The following DNAH6 variants were observed in gnomAD, a reference collection of about 807,000 sequenced individuals.
DNAH6 encodes axonemal beta dynein heavy chain 6.
A neutral mutation model predicts 491.4 loss-of-function variants in DNAH6; 340 were observed. That is an observed-to-expected ratio of 0.69 (90% CI 0.63 to 0.76). The LOEUF (loss-of-function observed/expected upper bound fraction) is 0.76. Ranked by LOEUF, DNAH6 falls within the 30% of genes least tolerant of loss-of-function variation. DNAH6 has a pLI of 0.00. For synonymous variants in DNAH6, 1,603 were observed against 1,686.1 expected (o/e 0.95, Z 1.21); for missense variants, 4,443 against 4,972.2 (o/e 0.89, Z 3.20).
Position 84,650,707 on chromosome 2 carries a change from T to G in DNAH6, c.5079-2612T>G, listed in dbSNP as rs138016289. On this transcript the variant is annotated intron_variant, in intron 33 of 76. Coordinates refer to ENST00000389394, the MANE Select transcript of DNAH6 (RefSeq NM_001370.2). Reference sequence around the variant, plus strand: ...TTCAAGGCCAGCCTGGGCAGTATAGTGAGACCCTATCCCTTAAGAAATAAA... The same window carrying G: ...TTCAAGGCCAGCCTGGGCAGTATAGGGAGACCCTATCCCTTAAGAAATAAA... 7.4e-4 allele frequency among the ~76,000 whole-genome samples: 113 copies of G among 152,240 alleles called. 1 individual carries two copies. Among genetic ancestry groups the G allele is most frequent in the African/African-American group, 2.5e-3 (103 of 41,560 alleles).
At chr2:84,539,695 C>A (rs187685273) in intron 4 of DNAH6, among the ~76,000 whole-genome samples, 2 of 152,294 alleles carry the variant, frequency 1.3e-5, no homozygotes, top group East Asian at 3.9e-4. Context: ...CCACATTGTG[C>A]TCATGCTGCT....
In DNAH6 at chr2:84,713,098, A is replaced by G. The variant is rs1697207593; in HGVS notation, c.9382A>G (p.Lys3128Glu). Residue 3128 changes from lysine to glutamate, a missense_variant, in exon 57 of 77, where the codon AAG becomes GAG. Lys to Glu is a moderately conservative substitution (Grantham distance 56, BLOSUM62 1). This residue lies in a region of DNAH6 where 1,463 missense variants were observed against 1,656.6 expected (regional missense o/e 0.88). Coordinates refer to ENST00000389394, the MANE Select transcript of DNAH6 (RefSeq NM_001370.2). ...LGLPVLLEEL[K>E]ETLDPALEPI... ...CTGTTTTGTTTTAATTTCTAAGCTT[A>G]AGGAAACCTTGGATCCAGCTCTAGA... 1.3e-6 allele frequency: 2 copies of G among 1,549,412 alleles called. No homozygotes were observed. The highest frequency in any genetic ancestry group is 2.0e-5 in the Admixed American group (1 of 50,448).
At chr2:84,766,377 T>C (rs958958840) in intron 64 of DNAH6, among the ~76,000 whole-genome samples, 1 of 152,208 alleles carries the variant, frequency 6.6e-6, no homozygotes, top group African/African-American at 2.4e-5. Flanking sequence ...TCTTAAAACA[T>C]TATTTTTTAA....
intron 33 of DNAH6, among the ~76,000 whole-genome samples, chr2:84,649,857 A>G (rs564738379): frequency 2.0e-5 from 3 of 152,286 alleles, no homozygotes; most frequent in African/African-American, 7.2e-5. Context: ...TGATAGGTGC[A>G]GCAAACCACC....
chr2:84,686,496 G>C lies in DNAH6; in HGVS notation c.7076G>C (p.Gly2359Ala). The C allele has an allele frequency of 6.5e-7, 1 of 1,529,218 alleles. No homozygotes were observed. The highest frequency in any genetic ancestry group is 8.8e-7 in the Non-Finnish European group (1 of 1,130,540). The allele number at this position is 1,529,218 out of a possible 1,614,324, so 94.7% of individuals were successfully genotyped here. A position where few individuals can be genotyped will look rare whatever the true frequency, so the allele number is the denominator to read the frequency against. ...GTTCTTTAAATAGACAAACATTTTG[G>C]AATTGCAATTGACCTGGAATATTTT... is the stretch of plus-strand genomic sequence containing the variant. ...ILTEMANKHF[G>A]IAIDLEYFLN... Residue 2359 changes from glycine (G) to alanine (A), a missense_variant, in exon 44 of 77, where the codon GGA becomes GCA. Transcript: ENST00000389394.
chr2:84,497,915 A>G, the DNAH6 span, among the ~76,000 whole-genome samples: 2 of 152,228 alleles, frequency 1.3e-5, no homozygotes, highest in Non-Finnish European at 2.9e-5. Flanking sequence ...TGGCCTCCAG[A>G]TCTCAGCTTG....
intron 73 of DNAH6, among the ~76,000 whole-genome samples, chr2:84,812,839 C>T (rs1190268763): frequency 1.3e-5 from 2 of 152,102 alleles, no homozygotes; most frequent in Non-Finnish European, 2.9e-5. Context: ...GCTGCTGTCT[C>T]CCTCTCACAT....
chr2:84,682,778 C>G (rs1283720508), intron 42 of DNAH6, among the ~76,000 whole-genome samples: 3 of 152,180 alleles, frequency 2.0e-5, no homozygotes, highest in African/African-American at 7.2e-5. Context: ...ATCCACTACC[C>G]TTCTAACCTC....
chr2:84,733,430 C>CT lies in DNAH6; in HGVS notation c.10207-13dup. 1 of 1,545,554 alleles carries CT rather than the reference C, an allele frequency of 6.5e-7. No homozygotes were observed. Among genetic ancestry groups the CT allele is most frequent in the Non-Finnish European group, 8.7e-7 (1 of 1,143,426 alleles). ...GCCTTTGTGAATTATTATTCATTTT[C>CT]TGTCTTCAAACAGGAACGCCCACCT... On this transcript the variant is annotated splice_polypyrimidine_tract_variant and intron_variant, in intron 61 of 76. Coordinates refer to ENST00000389394, the MANE Select transcript of DNAH6 (RefSeq NM_001370.2).
chr2:84,540,282 A>C (rs553278366), intron 4 of DNAH6, among the ~76,000 whole-genome samples: 1 of 152,184 alleles, frequency 6.6e-6, no homozygotes, highest in Non-Finnish European at 1.5e-5. Flanking sequence ...CAGAGAAGGA[A>C]CTAATGTGAA....
At chr2:84,679,895 G>A (rs1693618204) in intron 41 of DNAH6, among the ~76,000 whole-genome samples, 1 of 152,210 alleles carries the variant, frequency 6.6e-6, no homozygotes, top group South Asian at 2.1e-4. Flanking sequence ...TCATGTATAT[G>A]TTAGAAACTA....
rs1367606288 is a variant in DNAH6, at chr2:84,584,758, C to A, written c.2481+508C>A. The A allele has an allele frequency of 1.3e-5, 2 of 153,308 alleles. 1 individual carries two copies. Among genetic ancestry groups the A allele is most frequent in the South Asian group, 4.1e-4 (2 of 4,872 alleles). The allele number at this position is 153,308 out of a possible 1,614,324, so 9.5% of individuals were successfully genotyped here. On this transcript the variant is annotated intron_variant, in intron 15 of 76. Transcript: ENST00000389394. ...TCACAATTTTAAAGTTTGCTTAATA[C>A]CTGGGTGATGAAATAATTCATACAA...
chr2:84,557,902 T>C lies in DNAH6; in HGVS notation c.1770T>C (p.Asp590=). The change falls in exon 11 of 77, where the codon GAT becomes GAC. Residue 590 remains aspartate (D), a synonymous_variant. Coordinates refer to ENST00000389394, the MANE Select transcript of DNAH6 (RefSeq NM_001370.2). ...GTTTAGCAGCAGTATTTGAGGATGA[T>C]AAGAATTTTCACACAATTATTTCTC... ...GPSLAAVFED[D]KNFHTIISQI... 6.2e-7 allele frequency: 1 copy of C among 1,611,062 alleles called. No individual in the cohort carries two copies. The highest frequency in any genetic ancestry group is 8.5e-7 in the Non-Finnish European group (1 of 1,178,146).
In DNAH6 at chr2:84,815,959, A is replaced by G; in HGVS notation, c.12249A>G (p.Gly4083=). The change falls in exon 76 of 77, where the codon GGA becomes GGG. Residue 4083 remains glycine, a synonymous_variant. Coordinates refer to ENST00000389394, the MANE Select transcript of DNAH6 (RefSeq NM_001370.2). Reference sequence around the variant, plus strand: ...TGGTGATAGAAGATGCATTGCCCGGACAGATGAATCCAGTGCTGCCTGTGG... The same window carrying G: ...TGGTGATAGAAGATGCATTGCCCGGGCAGATGAATCCAGTGCTGCCTGTGG... ...KEMVIEDALP[G]QMNPVLPVVH... 6.4e-7 allele frequency: 1 copy of G among 1,551,950 alleles called. No individual in the cohort carries two copies.
In DNAH6 at chr2:84,570,391, A is replaced by G. The variant is rs183539194; in HGVS notation, c.1804-3076A>G. 7.9e-4 allele frequency among the ~76,000 whole-genome samples: 120 copies of G among 152,286 alleles called. 1 individual carries two copies. Among genetic ancestry groups the G allele is most frequent in the African/African-American group, 2.1e-3 (86 of 41,558 alleles). On this transcript the variant is annotated intron_variant, in intron 11 of 76. Transcript: ENST00000389394. ...TAGCTAGAGGATTGTAAATGCCCCA[A>G]TCAGCACTCTGTAAAAACACACCAA... is the stretch of plus-strand genomic sequence containing the variant.
rs544944213 is a variant in DNAH6, at chr2:84,564,136, C to T, written c.1803+6201C>T. Among the ~76,000 whole-genome samples the T allele has an allele frequency of 7.9e-5, 12 of 152,050 alleles. 1 individual carries two copies. In the South Asian group the frequency reaches 2.5e-3, roughly 32 times the overall value. On this transcript the variant is annotated intron_variant, in intron 11 of 76. Transcript: ENST00000389394. Reference sequence around the variant, plus strand: ...GTTTGAAGCCCAGGTAATGTGCTGCCTTTACCTTTGTTGTTTTTGGTTAGA... The same window carrying T: ...GTTTGAAGCCCAGGTAATGTGCTGCTTTTACCTTTGTTGTTTTTGGTTAGA...
chr2:84,635,108 C>T (rs1688747774), intron 30 of DNAH6, among the ~76,000 whole-genome samples: 1 of 152,186 alleles, frequency 6.6e-6, no homozygotes, highest in African/African-American at 2.4e-5. Flanking sequence ...AGGGTTCATC[C>T]TGGCACAGCA....
intron 39 of DNAH6, among the ~76,000 whole-genome samples, chr2:84,671,412 C>G (rs1474306119): frequency 6.6e-6 from 1 of 152,174 alleles, no homozygotes; most frequent in Non-Finnish European, 1.5e-5. Context: ...TTGCTCAGTC[C>G]ACAGTCTCTG....
In DNAH6 at chr2:84,547,382, C is replaced by A; in HGVS notation, c.1045C>A (p.Gln349Lys). The change falls in exon 6 of 77, where the codon CAA (glutamine) becomes AAA (lysine). Residue 349 changes from glutamine (Q) to lysine (K), a missense_variant. This residue lies in a region of DNAH6 where 2,977 missense variants were observed against 3,296.6 expected (regional missense o/e 0.90). Transcript: ENST00000389394. ...TYTLQEFKAAQVIRLAEVTER... is the reference protein window; with the variant it reads ...TYTLQEFKAAKVIRLAEVTER... The stretch of plus-strand genomic sequence containing the variant: ...CACCCTGCAGGAATTTAAGGCCGCA[C>A]AAGTCATACGGCTAGCAGAGGTAAC... The A allele has an allele frequency of 6.4e-7, 1 of 1,551,758 alleles. No homozygotes were observed. The highest frequency in any genetic ancestry group is 8.7e-7 in the Non-Finnish European group (1 of 1,146,952).
Sources: gnomAD v4.1 joint callset for allele counts (sites outside exome capture counted in the v4.1 genomes callset) on GRCh38, gnomAD v4.1.1 for gene constraint, gnomAD v4.1.1 regional missense constraint, MANE v1.5 for transcripts, NCBI Gene and HGNC (gene_info 2026-07-23, HGNC 2026-07-21) for gene names.